Variants in FAM240A observed in about 807,000 individuals in gnomAD.
FAM240A encodes protein FAM240A.
A neutral mutation model predicts 7.3 loss-of-function variants in FAM240A; 8 were observed. The observed-to-expected ratio is 1.09, with a 90% CI of 0.64 to 1.97. The LOEUF (loss-of-function observed/expected upper bound fraction) is 1.97, where lower values mean the gene tolerates loss of function less well. FAM240A is among the 30% of genes most tolerant of loss of function. The pLI is 0.00. For synonymous variants in FAM240A, 32 were observed against 35.9 expected (o/e 0.89, Z 0.38); for missense variants, 90 against 102.2 (o/e 0.88, Z 0.52).
chr3:46,624,939 TATAA>T (rs1051477416), intron 2 of FAM240A, among the ~76,000 whole-genome samples, 185 bp from the exon 3 acceptor site: 2 of 142,178 alleles, frequency 1.4e-5, no homozygotes, highest in South Asian at 2.2e-4. Flanking sequence ...CTCTTACTTA[TATAA>T]ATAAATAAAT....
At chr3:46,615,237 G>T (rs1697614193) in intron 1 of FAM240A, among the ~76,000 whole-genome samples, 1 of 152,084 alleles carries the variant, frequency 6.6e-6, no homozygotes, top group Non-Finnish European at 1.5e-5. Context: ...CCAGACCCAT[G>T]TGTCAGGCAC....
chr3:46,621,636 T>C (rs1361925851), intron 2 of FAM240A, among the ~76,000 whole-genome samples: 1 of 152,062 alleles, frequency 6.6e-6, no homozygotes, highest in African/African-American at 2.4e-5. Flanking sequence ...ACCACGAGCC[T>C]GTAGTCCCAG....
At chr3:46,615,551 G>C (rs1019328491) in intron 1 of FAM240A, among the ~76,000 whole-genome samples, 1 of 152,080 alleles carries the variant, frequency 6.6e-6, no homozygotes, top group African/African-American at 2.4e-5. Flanking sequence ...TCTGCCCCCA[G>C]AACATCTGGC....
At chr3:46,624,911 A>G (rs934615035) in intron 2 of FAM240A, among the ~76,000 whole-genome samples, 16 of 151,248 alleles carry the variant, frequency 1.1e-4, no homozygotes, top group African/African-American at 3.9e-4. Flanking sequence ...ACTTCTAACA[A>G]AAATGAGAGC....
chr3:46,617,302 TC>T lies in FAM240A; in HGVS notation c.136del (p.Arg46ValfsTer7), dbSNP rs1449924480. 1 of 1,534,124 alleles carries T rather than the reference TC, an allele frequency of 6.5e-7. No individual in the cohort carries two copies. Among genetic ancestry groups the T allele is most frequent in the Non-Finnish European group, 8.7e-7 (1 of 1,146,036 alleles). ...CTTACTACCGAGAATCAGAGGAACG[TC>T]GTCTGGGAAGAAGCGCACTGAGAAA... ...QTYYRESEER[R>X]LGRSALRKLR... is the part of the protein sequence containing the mutation. On this transcript the variant is annotated frameshift_variant, in exon 2 of 3. Coordinates refer to ENST00000640551, the MANE Select transcript of FAM240A (RefSeq NM_001195442.2). LOFTEE classifies it high-confidence loss of function.
At chr3:46,614,110 G>A (rs1034732097) in intron 1 of FAM240A, among the ~76,000 whole-genome samples, 1 of 152,022 alleles carries the variant, frequency 6.6e-6, no homozygotes, top group Admixed American at 6.6e-5. Context: ...TTTTTATAGA[G>A]ACAGGATCTC....
intron 2 of FAM240A, among the ~76,000 whole-genome samples, chr3:46,623,173 G>A (rs1196710359): frequency 6.6e-6 from 1 of 151,836 alleles, no homozygotes; most frequent in Non-Finnish European, 1.5e-5. Context: ...TTTGATTTAT[G>A]GGTTATTTAG....
At chr3:46,624,720 A>G (rs548676891) in intron 2 of FAM240A, among the ~76,000 whole-genome samples, 30 of 152,136 alleles carry the variant, frequency 2.0e-4, no homozygotes, top group Non-Finnish European at 4.1e-4. Flanking sequence ...TTCCTTTAAC[A>G]TGTCATGTAG....
intron 2 of FAM240A, among the ~76,000 whole-genome samples, chr3:46,620,092 C>T (rs1264152716): frequency 2.0e-5 from 3 of 151,892 alleles, no homozygotes; most frequent in Non-Finnish European, 4.4e-5. Flanking sequence ...CCTTTGATCC[C>T]CACCCCCATC....
chr3:46,623,543 C>T (rs770508092), intron 2 of FAM240A, among the ~76,000 whole-genome samples: 3 of 152,060 alleles, frequency 2.0e-5, no homozygotes, highest in Non-Finnish European at 2.9e-5. Flanking sequence ...TCACATTTTG[C>T]TTCATGTATT....
intron 2 of FAM240A, among the ~76,000 whole-genome samples, chr3:46,623,207 G>A (rs914245179): frequency 6.6e-5 from 10 of 152,042 alleles, no homozygotes; most frequent in South Asian, 4.1e-4. Context: ...GTTTCAAAAT[G>A]TTTAGGGGAC....
chr3:46,624,307 C>A (rs113223728), intron 2 of FAM240A, among the ~76,000 whole-genome samples: 1 of 134,220 alleles, frequency 7.5e-6, no homozygotes, highest in African/African-American at 2.9e-5. Context: ...AGTCTTACTC[C>A]GTCACCCAAG....
intron 2 of FAM240A, among the ~76,000 whole-genome samples, chr3:46,623,580 A>G (rs771777032): frequency 3.3e-5 from 5 of 152,134 alleles, no homozygotes; most frequent in Non-Finnish European, 5.9e-5. Context: ...AGGTACAAAA[A>G]TGTTTCAGAT....
chr3:46,624,173 C>G (rs2107149116), intron 2 of FAM240A, among the ~76,000 whole-genome samples: 1 of 151,700 alleles, frequency 6.6e-6, no homozygotes. Context: ...CCCTCTTGGC[C>G]TTTATGCTAT....
chr3:46,620,498 C>CA (rs75349231), intron 2 of FAM240A, among the ~76,000 whole-genome samples: 5,718 of 136,664 alleles, frequency 0.042, 309 homozygotes, highest in African/African-American at 0.13. Context: ...GTAGTTTTGT[C>CA]AAAAAAAAAA....
At chr3:46,619,181 G>A (rs1367065959) in intron 2 of FAM240A, among the ~76,000 whole-genome samples, 1 of 152,118 alleles carries the variant, frequency 6.6e-6, no homozygotes, top group Non-Finnish European at 1.5e-5. Context: ...GCCAAAGGAA[G>A]ACATTCCTTA....
intron 2 of FAM240A, among the ~76,000 whole-genome samples, chr3:46,624,359 C>T (rs745363826): frequency 6.7e-6 from 1 of 149,696 alleles, no homozygotes; most frequent in Non-Finnish European, 1.5e-5. Context: ...GCAACCTCCT[C>T]CTCCCAGGTT....
At chr3:46,618,859 ATATATATG>A (rs1257136305) in intron 2 of FAM240A, among the ~76,000 whole-genome samples, 9 of 74,682 alleles carry the variant, frequency 1.2e-4, no homozygotes, top group African/African-American at 4.6e-4. Flanking sequence ...AAAAAGATAT[ATATATATG>A]TATATATATA....
intron 2 of FAM240A, among the ~76,000 whole-genome samples, chr3:46,624,612 T>C (rs576569325): frequency 2.0e-5 from 3 of 152,144 alleles, no homozygotes; most frequent in Admixed American, 1.3e-4. Context: ...TTTTAAAAAG[T>C]ATTAATATAT....
Sources: gnomAD v4.1 joint callset for allele counts (sites outside exome capture counted in the v4.1 genomes callset) on GRCh38, gnomAD v4.1.1 for gene constraint, MANE v1.5 for transcripts, NCBI Gene and HGNC (gene_info 2026-07-23, HGNC 2026-07-21) for gene names.